SLC39A11: variants seen among roughly 807,000 people sequenced by gnomAD.
SLC39A11 encodes solute carrier family 39 member 11, also known as zinc transporter ZIP11.
A neutral mutation model predicts 36.1 loss-of-function variants in SLC39A11; 33 were observed. That is an observed-to-expected ratio of 0.91 (90% CI 0.69 to 1.22). The LOEUF is 1.22. SLC39A11 is among the 50% of genes most tolerant of loss of function. The pLI, the probability that SLC39A11 is intolerant of heterozygous loss-of-function variation, is 0.00. For synonymous variants in SLC39A11, 166 were observed against 170.3 expected (o/e 0.97, Z 0.20); for missense variants, 432 against 430.3 (o/e 1.00, Z -0.03).
At position 72,651,581 on chromosome 17, in the gene SLC39A11, TC is replaced by T. The variant is rs2069853860; in HGVS notation, c.672-2314del. 2.6e-5 allele frequency among the ~76,000 whole-genome samples: 4 copies of T among 152,122 alleles called. No individual in the cohort carries two copies. The East Asian group carries it at 7.7e-4, about 29-fold the overall frequency. On this transcript the variant is annotated intron_variant, in intron 7 of 9. Transcript: ENST00000255559. ...AGTGAGCACCCCGTGGCAGGGATGG[TC>T]CCCCTAGGGTGGGGTTGGGGGAAGA...
intron 6 of SLC39A11, among the ~76,000 whole-genome samples, chr17:72,760,723 G>A (rs1056954013): frequency 3.9e-5 from 6 of 152,146 alleles, no homozygotes; most frequent in Non-Finnish European, 5.9e-5. Flanking sequence ...TCACGACCAA[G>A]GAAGTCAGCC....
intron 7 of SLC39A11, among the ~76,000 whole-genome samples, chr17:72,667,417 T>A (rs72843210): frequency 1.8e-4 from 28 of 152,364 alleles, no homozygotes; most frequent in Non-Finnish European, 3.2e-4. Context: ...TTTTCCTTCC[T>A]TGCACTGTGT....
intron 5 of SLC39A11, among the ~76,000 whole-genome samples, chr17:72,925,101 T>TC (rs2083962899): frequency 6.6e-6 from 1 of 151,840 alleles, no homozygotes. Flanking sequence ...TCTCATGCTG[T>TC]CCAGTGGAAT....
intron 6 of SLC39A11, among the ~76,000 whole-genome samples, chr17:72,797,048 T>C (rs992856073): frequency 6.6e-6 from 1 of 152,160 alleles, no homozygotes; most frequent in Admixed American, 6.5e-5. Context: ...TCGTGATTCC[T>C]GCAACAGTGT....
intron 7 of SLC39A11, among the ~76,000 whole-genome samples, chr17:72,710,737 C>A (rs1028849546): frequency 6.6e-6 from 1 of 152,218 alleles, no homozygotes; most frequent in Admixed American, 6.5e-5. Flanking sequence ...CAAGAAGCCA[C>A]GTAGTGTCTT....
intron 5 of SLC39A11, among the ~76,000 whole-genome samples, chr17:72,910,439 C>T (rs1479384231): frequency 6.6e-6 from 1 of 151,892 alleles, no homozygotes; most frequent in Non-Finnish European, 1.5e-5. Flanking sequence ...GCGTGGCCAA[C>T]GTTGTGAAAC....
intron 3 of SLC39A11, among the ~76,000 whole-genome samples, chr17:73,055,674 T>C (rs1366071607): frequency 1.9e-4 from 29 of 152,068 alleles, no homozygotes. Context: ...GACCTCCCTA[T>C]GTTGCCCAGG....
chr17:72,900,111 A>AAAG (rs879798735), intron 5 of SLC39A11, among the ~76,000 whole-genome samples: 1,812 of 117,226 alleles, frequency 0.015, 305 homozygotes, highest in African/African-American at 0.081. Flanking sequence ...AAGAAAGAAA[A>AAAG]AGAAAGAAAG....
chr17:73,031,461 A>G, intron 4 of SLC39A11, 95 bp downstream of exon 4: 1 of 1,343,446 alleles, frequency 7.4e-7, no homozygotes, highest in Admixed American at 2.0e-5. Flanking sequence ...CTTAACAGAG[A>G]CATTAACAGG....
intron 7 of SLC39A11, among the ~76,000 whole-genome samples, chr17:72,699,041 G>A (rs917658178): frequency 1.5e-4 from 23 of 152,114 alleles, no homozygotes; most frequent in Admixed American, 1.2e-3. Context: ...ATGTTAGCCA[G>A]GATGGTCTCG....
At chr17:72,720,884 C>T (rs566079649) in intron 7 of SLC39A11, among the ~76,000 whole-genome samples, 1 of 152,206 alleles carries the variant, frequency 6.6e-6, no homozygotes, top group African/African-American at 2.4e-5. Context: ...CCTATTCATC[C>T]CCCGAACACA....
rs1463388277 is a variant in SLC39A11, at chr17:73,037,157, TTTG to T, written c.148-5446_148-5444del. Among the ~76,000 whole-genome samples, 4 of 152,244 alleles carry T rather than the reference TTTG, an allele frequency of 2.6e-5. No individual in the cohort carries two copies. The East Asian group carries it at 7.7e-4, about 29-fold the overall frequency. ...AAGGACTTTTTGGTTGCTTCTGAGTTTTGTCGATTATGAATAAAGTGGCTATAA... is the reference window on the plus strand; with the variant it reads ...AAGGACTTTTTGGTTGCTTCTGAGTTTCGATTATGAATAAAGTGGCTATAA... On this transcript the variant is annotated intron_variant, in intron 3 of 9. Coordinates refer to ENST00000255559, the MANE Select transcript of SLC39A11 (RefSeq NM_139177.4).
At chr17:72,655,351 C>A (rs555804331) in intron 7 of SLC39A11, among the ~76,000 whole-genome samples, 3 of 152,390 alleles carry the variant, frequency 2.0e-5, no homozygotes, top group Non-Finnish European at 2.9e-5. Context: ...CTTCTTCAAT[C>A]ACCTGCATCA....
chr17:72,976,439 A>G (rs143267068), intron 4 of SLC39A11, among the ~76,000 whole-genome samples: 262 of 152,288 alleles, frequency 1.7e-3, no homozygotes, highest in African/African-American at 6.1e-3. Flanking sequence ...TTTTCCACTT[A>G]AAAAGAAAAA....
chr17:73,083,981 A>G (rs2144801027), intron 3 of SLC39A11, among the ~76,000 whole-genome samples: 1 of 152,318 alleles, frequency 6.6e-6, no homozygotes, highest in South Asian at 2.1e-4. Flanking sequence ...GTGGAATTAC[A>G]TGTCATCTGG....
intron 5 of SLC39A11, among the ~76,000 whole-genome samples, chr17:72,872,295 C>T (rs1350315965): frequency 6.6e-6 from 1 of 152,078 alleles, no homozygotes; most frequent in Admixed American, 6.5e-5. Context: ...ACATGGGAAA[C>T]CCTAGGATAC....
rs1176928906 is a variant in SLC39A11, at chr17:73,047,986, AAAAAATATATATATATATATAT to A, written c.148-16294_148-16273del. On this transcript the variant is annotated intron_variant, in intron 3 of 9. Transcript: ENST00000255559. ...CATCTCAAAAAAAAAAAAAAAAAAA[AAAAAATATATATATATATATAT>A]ATATATATATATATATATCATGTAT... Among the ~76,000 whole-genome samples, 4 of 42,234 alleles carry A rather than the reference AAAAAATATATATATATATATAT, an allele frequency of 9.5e-5. No homozygotes were observed. The Admixed American group carries it at 1.0e-3, about 11-fold the overall frequency. 27.7% of individuals were successfully genotyped at this position (42,234 alleles called of 152,430 possible). A position where few individuals can be genotyped will look rare whatever the true frequency, so the allele number is the denominator to read the frequency against.
intron 5 of SLC39A11, among the ~76,000 whole-genome samples, chr17:72,854,782 C>CA (rs2079550814): frequency 2.0e-5 from 3 of 152,184 alleles, no homozygotes; most frequent in African/African-American, 7.2e-5. Flanking sequence ...AAAAGAACCA[C>CA]AGTGCTACAT....
chr17:72,925,125 T>C (rs1487167877), intron 5 of SLC39A11, among the ~76,000 whole-genome samples: 1 of 151,954 alleles, frequency 6.6e-6, no homozygotes, highest in African/African-American at 2.4e-5. Flanking sequence ...AGGATGGCCA[T>C]GTGGATGCGC....
Sources: allele counts gnomAD v4.1 joint callset (sites outside exome capture counted in the v4.1 genomes callset), GRCh38; gene constraint gnomAD v4.1.1; transcripts MANE v1.5; gene names NCBI Gene and HGNC (gene_info 2026-07-23, HGNC 2026-07-21).